The following CEP164 variants were observed in gnomAD, a reference collection of about 807,000 sequenced individuals.
The protein encoded by CEP164 is centrosomal protein of 164 kDa.
A neutral mutation model predicts 182.7 loss-of-function variants in CEP164; 162 were observed. The ratio of observed to expected loss-of-function variants is 0.89; its 90% CI spans 0.78 to 1.01. The LOEUF (loss-of-function observed/expected upper bound fraction) is 1.01. Ranked by LOEUF, CEP164 falls within the 50% of genes least tolerant of loss-of-function variation. CEP164 has a pLI of 0.00. For missense variants in CEP164, 1,735 were observed against 1,790.4 expected (o/e 0.97, Z 0.56); for synonymous variants, 661 against 690.0 (o/e 0.96, Z 0.66).
intron 8 of CEP164, 102 bp downstream of exon 8, chr11:117,363,608 A>C: frequency 1.2e-6 from 1 of 805,066 alleles, no homozygotes; most frequent in Non-Finnish European, 2.0e-6. Flanking sequence ...TGGAAAAAGA[A>C]CCATTTTGTC....
At chr11:117,406,085 G>A (rs1312341226) in intron 27 of CEP164, among the ~76,000 whole-genome samples, 1 of 152,130 alleles carries the variant, frequency 6.6e-6, no homozygotes, top group Admixed American at 6.6e-5. Context: ...TATCTTTTCA[G>A]CAACACCCCA....
chr11:117,365,930 G>T (rs944810553), intron 8 of CEP164, among the ~76,000 whole-genome samples: 1 of 152,080 alleles, frequency 6.6e-6, no homozygotes, highest in African/African-American at 2.4e-5. Context: ...GTGCTTCTTT[G>T]GGGGGAGTGG....
chr11:117,347,635 G>A (rs529367225), intron 4 of CEP164, among the ~76,000 whole-genome samples: 4 of 152,008 alleles, frequency 2.6e-5, no homozygotes, highest in Admixed American at 6.6e-5. Context: ...GCTTGAACAC[G>A]GGAGGTGGAG....
chr11:117,397,396 C>A, intron 27 of CEP164, 83 bp downstream of exon 27: 1 of 1,342,592 alleles, frequency 7.4e-7, no homozygotes, highest in East Asian at 2.5e-5. Context: ...GGCTCCCCCT[C>A]AGTTGGTCAT....
chr11:117,397,679 C>A (rs967825410), intron 27 of CEP164, among the ~76,000 whole-genome samples: 2 of 152,102 alleles, frequency 1.3e-5, no homozygotes, highest in Non-Finnish European at 2.9e-5. Flanking sequence ...AAATGAGGAA[C>A]AAGCAAAAGC....
chr11:117,325,024 G>A (rs1382417281), upstream of CEP164, among the ~76,000 whole-genome samples: 1 of 152,160 alleles, frequency 6.6e-6, no homozygotes, highest in Non-Finnish European at 1.5e-5. Flanking sequence ...ATGAGCTGGT[G>A]AGCCCAGAAT....
intron 5 of CEP164, 96 bp downstream of exon 5, chr11:117,352,084 A>G: frequency 9.8e-7 from 1 of 1,016,404 alleles, no homozygotes; most frequent in Non-Finnish European, 1.4e-6. Flanking sequence ...GGTTGAAGAC[A>G]ACAGTCAGAA....
chr11:117,357,621 C>T (rs2135568241), intron 5 of CEP164, among the ~76,000 whole-genome samples: 1 of 152,142 alleles, frequency 6.6e-6, no homozygotes, highest in African/African-American at 2.4e-5. Flanking sequence ...GGAGTTTTGT[C>T]ATGTTGGCCA....
At chr11:117,376,500 G>T (rs960292865) in intron 11 of CEP164, among the ~76,000 whole-genome samples, 1 of 152,236 alleles carries the variant, frequency 6.6e-6, no homozygotes, top group Non-Finnish European at 1.5e-5. Context: ...TAGAAGAGCA[G>T]TTCTGGCACA....
upstream of CEP164, among the ~76,000 whole-genome samples, chr11:117,325,996 C>T (rs148008463): frequency 5.3e-3 from 803 of 150,410 alleles, 9 homozygotes; most frequent in African/African-American, 0.017. Flanking sequence ...CCACAGACTC[C>T]GCCTCCTGGG....
Position 117,390,701 on chromosome 11 carries a change from T to C in CEP164, c.1935-76T>C, listed in dbSNP as rs1347975063. On this transcript the variant is annotated intron_variant, in intron 15 of 32. Coordinates refer to ENST00000278935, the MANE Select transcript of CEP164 (RefSeq NM_014956.5). Reference sequence around the variant, plus strand: ...GGCAGGCAACAGGGCTATTGGAGGCTGAGAGCCATAGCTTATGAATAGAAG... The same window carrying C: ...GGCAGGCAACAGGGCTATTGGAGGCCGAGAGCCATAGCTTATGAATAGAAG... 5 of 1,570,842 alleles carry C rather than the reference T, an allele frequency of 3.2e-6. No homozygotes were observed. The African/African-American group carries it at 5.5e-5, about 17-fold the overall frequency.
At chr11:117,374,957 G>A (rs1040281114) in intron 10 of CEP164, among the ~76,000 whole-genome samples, 2 of 152,230 alleles carry the variant, frequency 1.3e-5, no homozygotes, top group Non-Finnish European at 2.9e-5. Context: ...GGGTGGGATC[G>A]TGGGCCTGTG....
rs2039089367 is a variant in CEP164, at chr11:117,347,698, G to A, written c.194+3421G>A. On this transcript the variant is annotated intron_variant, in intron 4 of 32. Coordinates refer to ENST00000278935, the MANE Select transcript of CEP164 (RefSeq NM_014956.5). ...GCACTCCAGCCTGGGCAGCAAGAGC[G>A]AAACTCCATCTCAAAAAAAAAAAAA... is the stretch of plus-strand genomic sequence containing the variant. Among the ~76,000 whole-genome samples, 10 of 147,662 alleles carry A rather than the reference G, an allele frequency of 6.8e-5. 1 individual carries two copies. In the South Asian group the frequency reaches 1.9e-3, roughly 28 times the overall value.
At chr11:117,392,449 G>C (rs1436811506) in intron 18 of CEP164, 47 bp from the exon 19 acceptor site, 1 of 1,596,008 alleles carries the variant, frequency 6.3e-7, no homozygotes, top group Admixed American at 1.7e-5. Flanking sequence ...CAGCTGTACA[G>C]TCTGTCTGAG....
Position 117,370,286 on chromosome 11 carries a change from C to T in CEP164, c.766-794C>T, listed in dbSNP as rs561077719. ...GCATGTACCCAGGAGGCTTTAGGGG[C>T]GAAGAGGACTCTCCTGATAGTTTTT... is the stretch of plus-strand genomic sequence containing the variant. On this transcript the variant is annotated intron_variant, in intron 8 of 32. Transcript: ENST00000278935. Among the ~76,000 whole-genome samples the T allele has an allele frequency of 3.0e-4, 46 of 152,284 alleles. No homozygotes were observed. In the South Asian group the frequency reaches 8.1e-3, roughly 27 times the overall value.
chr11:117,353,590 A>G (rs954532163), intron 5 of CEP164, among the ~76,000 whole-genome samples: 3 of 152,152 alleles, frequency 2.0e-5, no homozygotes, highest in African/African-American at 4.8e-5. Flanking sequence ...CCTCTGTTAA[A>G]AAGAGTTCCC....
chr11:117,387,171 T>G (rs1238170020), intron 14 of CEP164, 32 bp from the exon 15 acceptor site: 2 of 1,589,116 alleles, frequency 1.3e-6, no homozygotes, highest in Non-Finnish European at 1.7e-6. Context: ...ACATTAACCC[T>G]GTGATGATAT....
At chr11:117,384,394 G>T (rs1483305059) in intron 14 of CEP164, among the ~76,000 whole-genome samples, 1 of 152,206 alleles carries the variant, frequency 6.6e-6, no homozygotes, top group East Asian at 1.9e-4. Flanking sequence ...GAATTATATG[G>T]CTTTCCTGTC....
rs1406714713 is a variant in CEP164 at position 117,394,123 on chromosome 11, G to A, written c.2617-227G>A. Among the ~76,000 whole-genome samples the A allele has an allele frequency of 6.6e-6, 1 of 152,280 alleles. No individual in the cohort carries two copies. ...ATAGGGAGAGCCAGAAAGGGAATCT[G>A]TCGTGGTGTCTGACCAGCCTCTGCT... is the stretch of plus-strand genomic sequence containing the variant. On this transcript the variant is annotated intron_variant, in intron 20 of 32. Transcript: ENST00000278935. This position sits in a 1 kb window ranked among gnomAD's most constrained non-coding sequence, Gnocchi z 4.0.
Sources: gnomAD v4.1 joint callset for allele counts (sites outside exome capture counted in the v4.1 genomes callset) on GRCh38, gnomAD v4.1.1 for gene constraint, Gnocchi (gnomAD v3.1) non-coding constraint, MANE v1.5 for transcripts, NCBI Gene and HGNC (gene_info 2026-07-23, HGNC 2026-07-21) for gene names.